IL1RAP: variants seen among roughly 807,000 people sequenced by gnomAD.
IL1RAP encodes the protein interleukin-1 receptor accessory protein.
A neutral mutation model predicts 60.7 loss-of-function variants in IL1RAP; 35 were observed. The ratio of observed to expected loss-of-function variants is 0.58; its 90% CI spans 0.44 to 0.76. The LOEUF (loss-of-function observed/expected upper bound fraction) is 0.76. IL1RAP is among the 30% of genes least tolerant of loss of function. The pLI, the probability that IL1RAP is intolerant of heterozygous loss-of-function variation, is 0.00. For synonymous variants in IL1RAP, 268 were observed against 250.9 expected, an observed-to-expected ratio of 1.07 and a Z score of -0.64; for missense variants, 572 against 693.9, an observed-to-expected ratio of 0.82 and a Z score of 1.97.
intron 1 of IL1RAP, among the ~76,000 whole-genome samples, chr3:190,555,425 A>C (rs1269374508): frequency 6.6e-6 from 1 of 152,070 alleles, no homozygotes; most frequent in East Asian, 1.9e-4. Context: ...ATAATCTCAA[A>C]CATACAGAAA....
intron 9 of IL1RAP, among the ~76,000 whole-genome samples, chr3:190,641,804 C>G (rs1402002509): frequency 8.5e-5 from 13 of 152,126 alleles, no homozygotes; most frequent in African/African-American, 1.2e-4. Flanking sequence ...GGAAATTACC[C>G]TGTTGTACTG....
chr3:190,574,837 C>A (rs936872067), intron 3 of IL1RAP, among the ~76,000 whole-genome samples: 4 of 152,158 alleles, frequency 2.6e-5, no homozygotes, highest in African/African-American at 9.7e-5. Flanking sequence ...GAATAACTGT[C>A]ACTTGGGCTC....
At chr3:190,655,640 G>A (rs1233059524), downstream of IL1RAP, among the ~76,000 whole-genome samples, 1 of 149,722 alleles carries the variant, frequency 6.7e-6, no homozygotes, top group Non-Finnish European at 1.5e-5. Flanking sequence ...GGAGACTACT[G>A]CAATGAGGGT....
At chr3:190,576,612 G>A (rs1202864416) in intron 3 of IL1RAP, among the ~76,000 whole-genome samples, 1 of 152,138 alleles carries the variant, frequency 6.6e-6, no homozygotes, top group Non-Finnish European at 1.5e-5. Flanking sequence ...AGGATATGGT[G>A]ATCTAATAAC....
chr3:190,608,397 A>G (rs1730534604), intron 4 of IL1RAP, among the ~76,000 whole-genome samples: 3 of 152,202 alleles, frequency 2.0e-5, no homozygotes, highest in East Asian at 1.9e-4. Context: ...ATACAATATA[A>G]AAGATGATAA....
rs1180685636 is a variant in IL1RAP at position 190,629,435 on chromosome 3, T to C, written c.988T>C (p.Tyr330His). The C allele has an allele frequency of 1.9e-6, 3 of 1,613,890 alleles. No individual in the cohort carries two copies. Among genetic ancestry groups the C allele is most frequent in the Non-Finnish European group, 2.5e-6 (3 of 1,179,880 alleles). Residue 330 changes from tyrosine (Y) to histidine (H), a missense_variant, in exon 9 of 12, where the codon TAT becomes CAT. Physicochemically the swap from Tyr to His is moderately conservative, Grantham distance 83. Coordinates refer to ENST00000447382, the MANE Select transcript of IL1RAP (RefSeq NM_002182.4). ...KVTSEDLKRS[Y>H]VCHARSAKGE... ...TACCTCTGAGGATCTCAAGCGCAGC[T>C]ATGTCTGTCATGCTAGAAGTGCCAA...
chr3:190,651,060 T>G lies in IL1RAP; in HGVS notation c.*2355T>G. 1 of 985,054 alleles carries G rather than the reference T, an allele frequency of 1.0e-6. No individual in the cohort carries two copies. The highest frequency in any genetic ancestry group is 4.7e-5 in the South Asian group (1 of 21,276). The allele number at this position is 985,054 out of a possible 1,614,324, so 61.0% of individuals were successfully genotyped here. A position where few individuals can be genotyped will look rare whatever the true frequency, so the allele number is the denominator to read the frequency against. On this transcript the variant is annotated 3_prime_UTR_variant, in exon 12 of 12. Coordinates refer to ENST00000447382, the MANE Select transcript of IL1RAP (RefSeq NM_002182.4). Reference sequence around the variant, plus strand: ...TGTGATACGTATCATTGCAAGAGAATTTGTTTCAAGATTTTTTTTTAATGT... The same window carrying G: ...TGTGATACGTATCATTGCAAGAGAAGTTGTTTCAAGATTTTTTTTTAATGT...
intron 3 of IL1RAP, among the ~76,000 whole-genome samples, chr3:190,598,590 A>T (rs946059953): frequency 1.1e-4 from 17 of 152,012 alleles, no homozygotes; most frequent in Admixed American, 7.9e-4. Context: ...CAATATATTA[A>T]AAAAAATCAA....
intron 3 of IL1RAP, among the ~76,000 whole-genome samples, chr3:190,588,008 T>C (rs1164467020): frequency 6.6e-6 from 1 of 152,260 alleles, no homozygotes; most frequent in African/African-American, 2.4e-5. Context: ...TTGCAGTCTT[T>C]GGTGGGATGT....
At position 190,604,273 on chromosome 3, in the gene IL1RAP, G is replaced by GT; in HGVS notation, c.211dup (p.Tyr71LeufsTer4). On this transcript the variant is annotated frameshift_variant, in exon 4 of 12. Coordinates refer to ENST00000447382, the MANE Select transcript of IL1RAP (RefSeq NM_002182.4). LOFTEE classifies it high-confidence loss of function. Reference sequence around the variant, plus strand: ...ATTCAGCTGGCCTTACTCTGATCTGGTATTGGACTAGGCAGGACCGGGACC... The same window carrying GT: ...ATTCAGCTGGCCTTACTCTGATCTGGTTATTGGACTAGGCAGGACCGGGACC... The GT allele has an allele frequency of 6.2e-7, 1 of 1,613,988 alleles. No individual in the cohort carries two copies. The highest frequency in any genetic ancestry group is 8.5e-7 in the Non-Finnish European group (1 of 1,179,990).
At chr3:190,598,181 A>G (rs1729545607) in intron 3 of IL1RAP, among the ~76,000 whole-genome samples, 1 of 152,206 alleles carries the variant, frequency 6.6e-6, no homozygotes, top group Non-Finnish European at 1.5e-5. Context: ...CAAAAAGTGC[A>G]GTCTTCAGGG....
intron 9 of IL1RAP, chr3:190,629,971 T>C: frequency 1.1e-6 from 1 of 879,022 alleles, no homozygotes; most frequent in Non-Finnish European, 1.4e-6. Context: ...AAGGGAATTA[T>C]ATACCTTTTA....
At chr3:190,631,411 A>G (rs530238616) in intron 9 of IL1RAP, among the ~76,000 whole-genome samples, 1 of 152,158 alleles carries the variant, frequency 6.6e-6, no homozygotes, top group African/African-American at 2.4e-5. Context: ...AGTGTCAGGA[A>G]TGTGAAGTGA....
chr3:190,648,422 C>A lies in IL1RAP; in HGVS notation c.1430C>A (p.Thr477Asn). Residue 477 changes from threonine to asparagine, a missense_variant, in exon 12 of 12, where the codon ACC (threonine) becomes AAC (asparagine). Physicochemically the swap from Thr to Asn is moderately conservative, Grantham distance 65. Coordinates refer to ENST00000447382, the MANE Select transcript of IL1RAP (RefSeq NM_002182.4). ...AGCCCCAACTACGTGCTCCAGGGAA[C>A]CCAAGCCCTCCTGGAGCTCAAGGCT... ...VLSPNYVLQG[T>N]QALLELKAGL... is the part of the protein sequence containing the mutation. 1.2e-6 allele frequency: 2 copies of A among 1,614,124 alleles called. No individual in the cohort carries two copies. The highest frequency in any genetic ancestry group is 1.7e-6 in the Non-Finnish European group (2 of 1,180,022).
chr3:190,578,922 A>C (rs1044282690), intron 3 of IL1RAP, among the ~76,000 whole-genome samples: 4 of 152,160 alleles, frequency 2.6e-5, no homozygotes, highest in African/African-American at 7.2e-5. Flanking sequence ...CAATTACCTC[A>C]CACTAGGTCC....
intron 6 of IL1RAP, 121 bp from the exon 7 acceptor site, chr3:190,623,223 C>A: frequency 1.4e-6 from 1 of 718,968 alleles, no homozygotes; most frequent in Non-Finnish European, 2.5e-6. Context: ...GGACTATAGG[C>A]CTTCTCTAAA....
intron 3 of IL1RAP, among the ~76,000 whole-genome samples, chr3:190,601,181 C>T (rs543833450): frequency 8.5e-5 from 13 of 152,176 alleles, no homozygotes; most frequent in African/African-American, 2.2e-4. Flanking sequence ...GATGGAGTTT[C>T]GCCATGTTGG....
intron 1 of IL1RAP, among the ~76,000 whole-genome samples, chr3:190,555,661 T>C: frequency 6.6e-6 from 1 of 152,224 alleles, no homozygotes; most frequent in South Asian, 2.1e-4. Flanking sequence ...GTTTGTCTAA[T>C]GTTTTTTCAT....
intron 1 of IL1RAP, among the ~76,000 whole-genome samples, chr3:190,530,311 C>T (rs530832940): frequency 6.6e-6 from 1 of 151,954 alleles, no homozygotes; most frequent in African/African-American, 2.4e-5. Context: ...TGAATATTCT[C>T]GAGTAAGGGA....
Sources: allele counts gnomAD v4.1 joint callset (sites outside exome capture counted in the v4.1 genomes callset), GRCh38; gene constraint gnomAD v4.1.1; transcripts MANE v1.5; gene names NCBI Gene and HGNC (gene_info 2026-07-23, HGNC 2026-07-21).